The following GNG12 variants were observed in gnomAD, a reference collection of about 807,000 sequenced individuals.
GNG12 encodes the protein guanine nucleotide-binding protein G(I)/G(S)/G(O) subunit gamma-12.
For missense variants in GNG12, 69 were observed against 83.8 expected (o/e 0.82, Z 0.69); for synonymous variants, 28 against 29.7 (o/e 0.94, Z 0.19).
chr1:67,792,185 C>A (rs1392992169), intron 1 of GNG12, among the ~76,000 whole-genome samples: 2 of 151,852 alleles, frequency 1.3e-5, no homozygotes, highest in Non-Finnish European at 2.9e-5. Context: ...TTGAATTATT[C>A]CCTCTCCTTC....
At position 67,704,666 on chromosome 1, in the gene GNG12, T is replaced by A. The variant is rs777685503; in HGVS notation, c.*785A>T. On this transcript the variant is annotated 3_prime_UTR_variant, in exon 4 of 4. Transcript: ENST00000370982. ...CTCCCCTTTTCCAGACTCAGCATCA[T>A]TGAAGCCCTAACGGGTCCTTGTAAA... 6.6e-6 allele frequency: 1 copy of A among 152,668 alleles called. No individual in the cohort carries two copies. The highest frequency in any genetic ancestry group is 2.4e-5 in the African/African-American group (1 of 41,448). 9.5% of individuals were successfully genotyped at this position (152,668 alleles called of 1,614,324 possible). A position where few individuals can be genotyped will look rare whatever the true frequency, so the allele number is the denominator to read the frequency against.
intron 1 of GNG12, among the ~76,000 whole-genome samples, chr1:67,798,535 C>T (rs1408588993): frequency 6.6e-6 from 1 of 152,124 alleles, no homozygotes; most frequent in Non-Finnish European, 1.5e-5. Flanking sequence ...GTCTTCCTGC[C>T]TCCCCATCCC....
intron 2 of GNG12, among the ~76,000 whole-genome samples, chr1:67,751,170 T>A (rs1646536600): frequency 7.3e-6 from 1 of 136,224 alleles, no homozygotes; most frequent in Non-Finnish European, 1.6e-5. Context: ...CCCATTTACA[T>A]GGATACACAT....
chr1:67,814,116 CT>C (rs1318778837), intron 1 of GNG12, among the ~76,000 whole-genome samples: 2 of 152,072 alleles, frequency 1.3e-5, no homozygotes, highest in Non-Finnish European at 2.9e-5. Flanking sequence ...GACAATGAAC[CT>C]TTTCCCACCT....
intron 1 of GNG12, among the ~76,000 whole-genome samples, chr1:67,824,150 T>C (rs746652168): frequency 1.3e-5 from 2 of 152,016 alleles, no homozygotes; most frequent in Non-Finnish European, 2.9e-5. Context: ...AAGGCATGGA[T>C]GGGGATAAGA....
chr1:67,830,082 C>T (rs1647034534), intron 1 of GNG12, among the ~76,000 whole-genome samples: 1 of 150,872 alleles, frequency 6.6e-6, no homozygotes, highest in Non-Finnish European at 1.5e-5. Context: ...CTCGATTCAC[C>T]GCAACCTCCG....
At chr1:67,775,922 T>A (rs1646702564) in intron 2 of GNG12, among the ~76,000 whole-genome samples, 1 of 152,098 alleles carries the variant, frequency 6.6e-6, no homozygotes, top group African/African-American at 2.4e-5. Context: ...ACTGAACAGA[T>A]TGTCTGGCAA....
chr1:67,803,324 G>C (rs116342590), intron 1 of GNG12, among the ~76,000 whole-genome samples: 2,783 of 152,154 alleles, frequency 0.018, 85 homozygotes, highest in African/African-American at 0.064. Context: ...GACCAGCCTA[G>C]ACAACATAGT....
Position 67,831,698 on chromosome 1 carries a change from G to C in GNG12, c.-77+1646C>G, listed in dbSNP as rs144780779. 1.8e-3 allele frequency among the ~76,000 whole-genome samples: 268 copies of C among 152,222 alleles called. 1 individual carries two copies. Among genetic ancestry groups the C allele is most frequent in the Non-Finnish European group, 3.4e-3 (228 of 68,020 alleles). On this transcript the variant is annotated intron_variant, in intron 1 of 3. Transcript: ENST00000370982. ...AAGTCCTTTTATCACTTAAGACTCT[G>C]TAAAATTTTTGATTACTTTAAAAAT...
chr1:67,806,731 TAAC>T (rs1171334746), intron 1 of GNG12, among the ~76,000 whole-genome samples: 1 of 152,082 alleles, frequency 6.6e-6, no homozygotes, highest in Non-Finnish European at 1.5e-5. Flanking sequence ...CAATACAACA[TAAC>T]AATATTTGTC....
chr1:67,816,616 TG>T (rs1285336300), intron 1 of GNG12, among the ~76,000 whole-genome samples: 2 of 152,078 alleles, frequency 1.3e-5, no homozygotes, highest in Non-Finnish European at 2.9e-5. Flanking sequence ...CCACTTACGG[TG>T]TGACTCCTAA....
intron 1 of GNG12, among the ~76,000 whole-genome samples, chr1:67,800,673 G>A (rs1646859450): frequency 6.6e-6 from 1 of 152,196 alleles, no homozygotes; most frequent in Non-Finnish European, 1.5e-5. Context: ...ACATTCTTAA[G>A]TGAAAATGGC....
chr1:67,740,233 GC>G (rs1553155952), intron 2 of GNG12, among the ~76,000 whole-genome samples: 1 of 152,152 alleles, frequency 6.6e-6, no homozygotes, highest in Non-Finnish European at 1.5e-5. Flanking sequence ...GAATTAATTC[GC>G]TATACAGGGC....
In GNG12 at chr1:67,797,806, G is replaced by A. The variant is rs145450358; in HGVS notation, c.-76-20299C>T. 2.9e-4 allele frequency among the ~76,000 whole-genome samples: 44 copies of A among 152,206 alleles called. No individual in the cohort carries two copies. In the East Asian group the frequency reaches 7.5e-3, roughly 26 times the overall value. Reference sequence around the variant, plus strand: ...TCATGGCGGGCACATAGCATTTAACGAGAGAACCATCCCCTCGGAGCCAAG... The same window carrying A: ...TCATGGCGGGCACATAGCATTTAACAAGAGAACCATCCCCTCGGAGCCAAG... On this transcript the variant is annotated intron_variant, in intron 1 of 3. Coordinates refer to ENST00000370982, the MANE Select transcript of GNG12 (RefSeq NM_018841.6).
intron 2 of GNG12, among the ~76,000 whole-genome samples, chr1:67,718,808 T>C (rs1646341392): frequency 6.6e-6 from 1 of 152,174 alleles, no homozygotes; most frequent in Non-Finnish European, 1.5e-5. Context: ...CCAGGAAAAG[T>C]CCAAAGGGCT....
intron 2 of GNG12, among the ~76,000 whole-genome samples, chr1:67,756,915 C>T (rs867279778): frequency 9.8e-5 from 15 of 152,336 alleles, no homozygotes; most frequent in African/African-American, 3.6e-4. Flanking sequence ...AGGTATGCCT[C>T]AGCCCCAGGT....
At position 67,707,751 on chromosome 1, in the gene GNG12, T is replaced by A; in HGVS notation, c.-26-39A>T. 3.2e-6 allele frequency: 3 copies of A among 942,742 alleles called. No individual in the cohort carries two copies. The South Asian group carries it at 4.5e-5, about 14-fold the overall frequency. 58.4% of individuals were successfully genotyped at this position (942,742 alleles called of 1,614,324 possible). On this transcript the variant is annotated intron_variant, in intron 2 of 3. Transcript: ENST00000370982. ...TTTTTAAAGACAAGTAACAGGCATC[T>A]TTAAGTTATTTAAACATTCATAATA... is the stretch of plus-strand genomic sequence containing the variant.
rs1646240117 is a variant in GNG12 at position 67,705,281 on chromosome 1, T to C, written c.*170A>G. The C allele has an allele frequency of 1.9e-6, 2 of 1,026,966 alleles. No individual in the cohort carries two copies. Among genetic ancestry groups the C allele is most frequent in the South Asian group, 4.0e-5 (2 of 50,076 alleles). The allele number at this position is 1,026,966 out of a possible 1,614,324, so 63.6% of individuals were successfully genotyped here. ...CTGTATTAAATCAGTAAAGGGTATT[T>C]TAAGAGAAAGGACAACTTGGAAAAT... On this transcript the variant is annotated 3_prime_UTR_variant, in exon 4 of 4. Transcript: ENST00000370982.
At chr1:67,710,191 G>T (rs1218173836) in intron 2 of GNG12, among the ~76,000 whole-genome samples, 3 of 30,332 alleles carry the variant, frequency 9.9e-5, no homozygotes, top group South Asian at 1.3e-3. Context: ...TATATATATA[G>T]TTATATATAT....
Sources: gnomAD v4.1 joint callset for allele counts (sites outside exome capture counted in the v4.1 genomes callset) on GRCh38, gnomAD v4.1.1 for gene constraint, MANE v1.5 for transcripts, NCBI Gene and HGNC (gene_info 2026-07-23, HGNC 2026-07-21) for gene names.